Variants in CDK18 observed in about 807,000 individuals in gnomAD.
CDK18 encodes the protein cyclin dependent kinase 18.
Under a neutral mutation model 62.0 loss-of-function variants are expected in CDK18, and 52 were observed. The ratio of observed to expected loss-of-function variants is 0.84; its 90% CI spans 0.67 to 1.06. CDK18 has a LOEUF of 1.06. Among genes scored for constraint, CDK18 ranks in the 50% least tolerant of loss-of-function variants. The probability of loss-of-function intolerance (pLI) is 0.00; values close to 1 mark genes in which losing one functional copy is unlikely to be tolerated. For synonymous variants in CDK18, 237 were observed against 247.0 expected, an observed-to-expected ratio of 0.96 and a Z score of 0.38; for missense variants, 604 against 619.9, an observed-to-expected ratio of 0.97 and a Z score of 0.27.
chr1:205,529,314 G>A lies in CDK18; in HGVS notation c.1073-10G>A, dbSNP rs574491025. On this transcript the variant is annotated splice_polypyrimidine_tract_variant and intron_variant, in intron 11 of 15. Coordinates refer to ENST00000429964, the MANE Select transcript of CDK18 (RefSeq NM_212502.3). ...ACGCAGGCCCTCCCCACCCTCTCTCGTCTCCCCAGGGACCCCCACAGAAGA... is the reference window on the plus strand; with the variant it reads ...ACGCAGGCCCTCCCCACCCTCTCTCATCTCCCCAGGGACCCCCACAGAAGA... 48 of 1,610,072 alleles carry A rather than the reference G, an allele frequency of 3.0e-5. No homozygotes were observed. In the South Asian group the frequency reaches 4.7e-4, roughly 16 times the overall value.
chr1:205,511,927 G>A (rs189824935), intron 1 of CDK18, among the ~76,000 whole-genome samples: 9 of 152,270 alleles, frequency 5.9e-5, no homozygotes, highest in Non-Finnish European at 1.2e-4. Flanking sequence ...GGTGTCGTGC[G>A]CTTGTAGTCC....
intron 1 of CDK18, among the ~76,000 whole-genome samples, chr1:205,507,202 G>A (rs1445172576): frequency 6.6e-6 from 1 of 152,178 alleles, no homozygotes; most frequent in Non-Finnish European, 1.5e-5. Flanking sequence ...CTAAAGGGGA[G>A]GGCAAACTTC....
chr1:205,527,719 C>T lies in CDK18; in HGVS notation c.730-75C>T. 2 of 1,459,632 alleles carry T rather than the reference C, an allele frequency of 1.4e-6. No homozygotes were observed. Among genetic ancestry groups the T allele is most frequent in the South Asian group, 2.4e-5 (2 of 82,428 alleles). The allele number at this position is 1,459,632 out of a possible 1,614,324, so 90.4% of individuals were successfully genotyped here. The stretch of plus-strand genomic sequence containing the variant: ...CTGACCTCACTGCCAAGCCCCTGCC[C>T]CCATCCTGGTCCCAGCCTTGGAGCA... On this transcript the variant is annotated intron_variant, in intron 8 of 15. Transcript: ENST00000429964. This position sits in a 1 kb window ranked among gnomAD's most constrained non-coding sequence, Gnocchi z 4.1.
chr1:205,523,834 A>G lies in CDK18; in HGVS notation c.273+209A>G, dbSNP rs541970286. The G allele has an allele frequency of 6.4e-4, 435 of 682,664 alleles. 2 individuals are homozygous for G. In the African/African-American group the frequency reaches 7.2e-3, roughly 11 times the overall value. 42.3% of individuals were successfully genotyped at this position (682,664 alleles called of 1,614,324 possible). ...TGGTCATCATGGATTAAATGGGTTT[A>G]TCTATGCCAAGTGCTTAGAACATTC... is the stretch of plus-strand genomic sequence containing the variant. On this transcript the variant is annotated intron_variant, in intron 3 of 15. Transcript: ENST00000429964.
intron 1 of CDK18, among the ~76,000 whole-genome samples, chr1:205,506,852 A>G (rs966114425): frequency 3.3e-5 from 5 of 152,160 alleles, no homozygotes; most frequent in Admixed American, 6.5e-5. Context: ...CACAGGAGAG[A>G]GGGCACCAGA....
rs1668734499 is a variant in CDK18, at chr1:205,531,448, C to T, written c.*70C>T. The T allele has an allele frequency of 1.4e-6, 2 of 1,421,296 alleles. No homozygotes were observed. The highest frequency in any genetic ancestry group is 2.0e-6 in the Non-Finnish European group (2 of 1,004,004). 88.0% of individuals were successfully genotyped at this position (1,421,296 alleles called of 1,614,324 possible). A position where few individuals can be genotyped will look rare whatever the true frequency, so the allele number is the denominator to read the frequency against. ...AGCACAAATTCGGGTAGGATGGAGC[C>T]TGTGTGGCCCTCGGAGGACTGAAGA... On this transcript the variant is annotated 3_prime_UTR_variant, in exon 16 of 16. Transcript: ENST00000429964.
At position 205,526,395 on chromosome 1, in the gene CDK18, C is replaced by T; in HGVS notation, c.600C>T (p.Ala200=). The T allele has an allele frequency of 1.2e-6, 2 of 1,614,118 alleles. No homozygotes were observed. The highest frequency in any genetic ancestry group is 1.7e-6 in the Non-Finnish European group (2 of 1,179,982). Residue 200 remains alanine (A), a synonymous_variant, in exon 7 of 16, where the codon GCC becomes GCT. Transcript: ENST00000429964. Reference sequence around the variant, plus strand: ...CTCTGCTGAAGAACCTGAAGCACGCCAATATTGTGACCCTGCATGACCTCA... The same window carrying T: ...CTCTGCTGAAGAACCTGAAGCACGCTAATATTGTGACCCTGCATGACCTCA... ...EVSLLKNLKH[A]NIVTLHDLIH...
intron 1 of CDK18, among the ~76,000 whole-genome samples, chr1:205,514,604 G>C (rs528200708): frequency 8.5e-5 from 13 of 152,326 alleles, no homozygotes; most frequent in African/African-American, 3.1e-4. Context: ...AGGTGACTAA[G>C]ATACAGTCTT....
chr1:205,512,854 C>G lies in CDK18; in HGVS notation c.-22+8058C>G, dbSNP rs370947729. Among the ~76,000 whole-genome samples, 117 of 152,262 alleles carry G rather than the reference C, an allele frequency of 7.7e-4. 1 individual carries two copies. In the South Asian group the frequency reaches 0.023, roughly 29 times the overall value. On this transcript the variant is annotated intron_variant, in intron 1 of 15. Transcript: ENST00000429964. ...TGGGAAATCCTCCCCATTCCCTCCC[C>G]CTCCTGAGACTGAGAGGTCCCCAGG...
At chr1:205,507,889 AG>A (rs1667388805) in intron 1 of CDK18, among the ~76,000 whole-genome samples, 1 of 152,034 alleles carries the variant, frequency 6.6e-6, no homozygotes, top group Admixed American at 6.6e-5. Flanking sequence ...TGGTGGTGGT[AG>A]GGGAATGGGT....
rs941349926 is a variant in CDK18 at position 205,531,641 on chromosome 1, G to C, written c.*263G>C. ...GCTGCTTCCCTGAGAGGACATGAGGGGGGGGCGGTCCTCGTACCCTCTCCC... is the reference window on the plus strand; with the variant it reads ...GCTGCTTCCCTGAGAGGACATGAGGCGGGGGCGGTCCTCGTACCCTCTCCC... On this transcript the variant is annotated 3_prime_UTR_variant, in exon 16 of 16. Coordinates refer to ENST00000429964, the MANE Select transcript of CDK18 (RefSeq NM_212502.3). 2.2e-5 allele frequency: 11 copies of C among 493,156 alleles called. No homozygotes were observed. Among genetic ancestry groups the C allele is most frequent in the African/African-American group, 1.2e-4 (6 of 51,118 alleles). The allele number at this position is 493,156 out of a possible 1,614,324, so 30.5% of individuals were successfully genotyped here.
Position 205,526,428 on chromosome 1 carries a change from A to G in CDK18, c.633A>G (p.Thr211=), listed in dbSNP as rs1168023105. The G allele has an allele frequency of 3.1e-6, 5 of 1,614,106 alleles. No individual in the cohort carries two copies. The highest frequency in any genetic ancestry group is 4.2e-6 in the Non-Finnish European group (5 of 1,179,944). The change falls in exon 7 of 16, where the codon ACA becomes ACG. Residue 211 remains threonine, a synonymous_variant. Transcript: ENST00000429964. ...NIVTLHDLIH[T]DRSLTLVFEY... is the part of the protein sequence containing the mutation. ...TGACCCTGCATGACCTCATCCACAC[A>G]GATCGGTCCCTCACCCTGGTGTTTG... is the stretch of plus-strand genomic sequence containing the variant.
chr1:205,526,794 A>G lies in CDK18; in HGVS notation c.686A>G (p.Tyr229Cys). ...TTCCAGGACAGTGACCTGAAGCAGT[A>G]TCTGGACCACTGTGGGAACCTCATG... ...FEYLDSDLKQ[Y>C]LDHCGNLMSM... The change falls in exon 8 of 16, where the codon TAT becomes TGT. Residue 229 changes from tyrosine to cysteine, a missense_variant. By Grantham distance (194) the Tyr-to-Cys change is radical. Coordinates refer to ENST00000429964, the MANE Select transcript of CDK18 (RefSeq NM_212502.3). 1 of 1,614,128 alleles carries G rather than the reference A, an allele frequency of 6.2e-7. No individual in the cohort carries two copies. The highest frequency in any genetic ancestry group is 8.5e-7 in the Non-Finnish European group (1 of 1,179,954).
chr1:205,527,250 A>C lies in CDK18; in HGVS notation c.729+413A>C, dbSNP rs114179834. ...AATCCCAGCACTGGGAGGCCAAGGC[A>C]GGAAGATGGCTTGAGCCCAGGAGTT... On this transcript the variant is annotated intron_variant, in intron 8 of 15. Transcript: ENST00000429964. The surrounding 1 kb of genome is among the most constrained non-coding windows in gnomAD (Gnocchi z 4.1). 0.025 allele frequency: 5,673 copies of C among 223,398 alleles called. 137 individuals carry two copies. Among genetic ancestry groups the C allele is most frequent in the Admixed American group, 0.06 (1,167 of 19,390 alleles). 13.8% of individuals were successfully genotyped at this position (223,398 alleles called of 1,614,324 possible). A position where few individuals can be genotyped will look rare whatever the true frequency, so the allele number is the denominator to read the frequency against.
intron 12 of CDK18, 39 bp from the exon 13 acceptor site, chr1:205,529,482 C>T: frequency 1.2e-6 from 2 of 1,609,354 alleles, no homozygotes; most frequent in South Asian, 1.1e-5. Flanking sequence ...CTCCCATCCC[C>T]AATCAGGCAC....
intron 1 of CDK18, among the ~76,000 whole-genome samples, chr1:205,521,573 G>C (rs551783983): frequency 1.3e-5 from 2 of 152,300 alleles, no homozygotes; most frequent in South Asian, 4.1e-4. Flanking sequence ...AGATGGGCCT[G>C]CCTAGCACTG....
intron 1 of CDK18, among the ~76,000 whole-genome samples, chr1:205,512,009 AC>A (rs2102275670): frequency 6.6e-6 from 1 of 152,302 alleles, no homozygotes; most frequent in South Asian, 2.1e-4. Flanking sequence ...AGCCAAGATC[AC>A]GCCACTGCAC....
At chr1:205,520,996 A>C (rs1668093889) in intron 1 of CDK18, among the ~76,000 whole-genome samples, 1 of 152,222 alleles carries the variant, frequency 6.6e-6, no homozygotes, top group South Asian at 2.1e-4. Flanking sequence ...GAGCGGCTGA[A>C]GATGACTGAC....
In CDK18 at chr1:205,526,764, C is replaced by T; in HGVS notation, c.667-11C>T. 2 of 1,606,670 alleles carry T rather than the reference C, an allele frequency of 1.2e-6. No homozygotes were observed. The highest frequency in any genetic ancestry group is 1.7e-6 in the Non-Finnish European group (2 of 1,174,382). ...GCGTGGGGCAGGACTGAGCCACGCT[C>T]TGTGTTCCAGGACAGTGACCTGAAG... is the stretch of plus-strand genomic sequence containing the variant. On this transcript the variant is annotated splice_polypyrimidine_tract_variant and intron_variant, in intron 7 of 15. Coordinates refer to ENST00000429964, the MANE Select transcript of CDK18 (RefSeq NM_212502.3).
Sources: allele counts gnomAD v4.1 joint callset (sites outside exome capture counted in the v4.1 genomes callset), GRCh38; gene constraint gnomAD v4.1.1; non-coding constraint Gnocchi (gnomAD v3.1); transcripts MANE v1.5; gene names NCBI Gene and HGNC (gene_info 2026-07-23, HGNC 2026-07-21).